Variants in TRDN observed in about 807,000 individuals in gnomAD.
TRDN encodes the protein triadin in skeletal muscle.
Under a neutral mutation model 149.7 loss-of-function variants are expected in TRDN, and 161 were observed. That is an observed-to-expected ratio of 1.08 (90% CI 0.95 to 1.23). TRDN has a LOEUF of 1.23. Ranked by LOEUF, TRDN falls within the 50% of genes most tolerant of loss-of-function variation. TRDN has a pLI of 0.00. For synonymous variants in TRDN, 294 were observed against 250.5 expected, an observed-to-expected ratio of 1.17 and a Z score of -1.64; for missense variants, 896 against 823.5, an observed-to-expected ratio of 1.09 and a Z score of -1.08.
chr6:123,495,703 G>C (rs143505776), intron 9 of TRDN, among the ~76,000 whole-genome samples: 1 of 151,916 alleles, frequency 6.6e-6, no homozygotes, highest in African/African-American at 2.4e-5. Flanking sequence ...ACTGAAACTT[G>C]TAAGTGTTGA....
intron 1 of TRDN, among the ~76,000 whole-genome samples, chr6:123,611,595 A>G (rs919568425): frequency 5.9e-5 from 9 of 152,184 alleles, no homozygotes; most frequent in Admixed American, 5.2e-4. Context: ...ACTTTCATAT[A>G]TATAGTATAT....
At chr6:123,290,510 T>C (rs1443266598) in intron 24 of TRDN, among the ~76,000 whole-genome samples, 2 of 152,192 alleles carry the variant, frequency 1.3e-5, no homozygotes, top group East Asian at 1.9e-4. Context: ...GGCTTTAAAA[T>C]GGTTAAAATG....
intron 20 of TRDN, among the ~76,000 whole-genome samples, chr6:123,361,642 C>T (rs766742550): frequency 3.9e-5 from 6 of 152,166 alleles, no homozygotes; most frequent in Non-Finnish European, 5.9e-5. Context: ...CCTCTTTCCT[C>T]ATTCAATTTG....
At chr6:123,538,399 T>A (rs1002268196) in intron 4 of TRDN, among the ~76,000 whole-genome samples, 6 of 152,158 alleles carry the variant, frequency 3.9e-5, no homozygotes, top group Non-Finnish European at 7.4e-5. Flanking sequence ...TATTAATATT[T>A]TAGATAAATA....
At chr6:123,379,161 C>T (rs1327238531) in intron 16 of TRDN, among the ~76,000 whole-genome samples, 2 of 152,044 alleles carry the variant, frequency 1.3e-5, no homozygotes, top group African/African-American at 4.8e-5. Context: ...TATGTTCATA[C>T]TGAAAGAACT....
intron 12 of TRDN, among the ~76,000 whole-genome samples, chr6:123,424,483 C>T (rs1040480596): frequency 4.0e-5 from 6 of 151,710 alleles, no homozygotes; most frequent in Non-Finnish European, 5.9e-5. Flanking sequence ...TTTCTGTCTG[C>T]GTTTTTTTTT....
At chr6:123,503,138 G>C in intron 8 of TRDN, 1 of 985,270 alleles carries the variant, frequency 1.0e-6, no homozygotes, top group Non-Finnish European at 1.2e-6. Flanking sequence ...GCTTTCTAAA[G>C]TTAGAAATTT....
At chr6:123,221,762 G>A (rs1163763491) in intron 39 of TRDN, among the ~76,000 whole-genome samples, 2 of 151,658 alleles carry the variant, frequency 1.3e-5, no homozygotes, top group Non-Finnish European at 3.0e-5. Context: ...ACAAACAATT[G>A]TTTAAATAGG....
intron 21 of TRDN, among the ~76,000 whole-genome samples, chr6:123,342,405 T>A (rs1175241010): frequency 6.6e-6 from 1 of 151,916 alleles, no homozygotes; most frequent in Non-Finnish European, 1.5e-5. Flanking sequence ...TGTAGTCCCA[T>A]CAATTTAAGA....
chr6:123,431,981 GT>G (rs957935347), intron 12 of TRDN, among the ~76,000 whole-genome samples: 5 of 152,144 alleles, frequency 3.3e-5, no homozygotes, highest in African/African-American at 1.2e-4. Context: ...AAAGGTTTTA[GT>G]TTGTGCAGAA....
intron 8 of TRDN, 23 bp downstream of exon 8, chr6:123,503,696 A>G (rs1306739204): frequency 1.2e-6 from 2 of 1,613,216 alleles, no homozygotes; most frequent in African/African-American, 1.3e-5. Flanking sequence ...AACCTCCGGC[A>G]GCCTCCTGCT....
chr6:123,375,051 A>T (rs1368695991), intron 19 of TRDN, among the ~76,000 whole-genome samples: 1 of 152,210 alleles, frequency 6.6e-6, no homozygotes, highest in Non-Finnish European at 1.5e-5. Flanking sequence ...AGAAATATCA[A>T]CAATTTCTCA....
At chr6:123,452,520 G>C (rs1404597650) in intron 10 of TRDN, among the ~76,000 whole-genome samples, 5 of 149,910 alleles carry the variant, frequency 3.3e-5, no homozygotes, top group Non-Finnish European at 7.4e-5. Context: ...AAAAACGTAA[G>C]ATAGTTAGGA....
In TRDN at chr6:123,430,141, G is replaced by A. The variant is rs915409118; in HGVS notation, c.1051+7922C>T. Among the ~76,000 whole-genome samples, 31 of 151,994 alleles carry A rather than the reference G, an allele frequency of 2.0e-4. 1 individual carries two copies. The highest frequency in any genetic ancestry group is 1.8e-3 in the Admixed American group (28 of 15,256). ...CAAAATTAGCCAGGCATGGTGGCAC[G>A]TGCCCATGGTCCCAGCTACACAGGA... On this transcript the variant is annotated intron_variant, in intron 12 of 40. Transcript: ENST00000334268.
chr6:123,496,370 T>C (rs1434165281), intron 9 of TRDN, among the ~76,000 whole-genome samples: 1 of 151,744 alleles, frequency 6.6e-6, no homozygotes, highest in African/African-American at 2.4e-5. Context: ...TAATTATATA[T>C]TTTTGAAAGG....
chr6:123,437,436 C>T, intron 12 of TRDN: 1 of 278,202 alleles, frequency 3.6e-6, no homozygotes, highest in Non-Finnish European at 6.6e-6. Flanking sequence ...CAGGGTCTTC[C>T]TCTGCTACCC....
chr6:123,396,441 A>G (rs559688182), intron 12 of TRDN, among the ~76,000 whole-genome samples: 3 of 152,348 alleles, frequency 2.0e-5, no homozygotes, highest in Admixed American at 1.3e-4. Flanking sequence ...TTGGAAATAA[A>G]GTACAATGAC....
intron 3 of TRDN, 58 bp from the exon 4 acceptor site, chr6:123,547,430 G>T: frequency 2.0e-6 from 2 of 981,386 alleles, no homozygotes; most frequent in South Asian, 2.3e-5. Flanking sequence ...AGAATAATAT[G>T]ACATCATTAT....
chr6:123,608,370 T>G (rs553874468), intron 1 of TRDN, among the ~76,000 whole-genome samples: 2 of 152,320 alleles, frequency 1.3e-5, no homozygotes, highest in East Asian at 3.9e-4. Flanking sequence ...TCAAAAGTGT[T>G]ATCTTCTTGC....
Sources: allele counts gnomAD v4.1 joint callset (sites outside exome capture counted in the v4.1 genomes callset), GRCh38; gene constraint gnomAD v4.1.1; transcripts MANE v1.5; gene names NCBI Gene and HGNC (gene_info 2026-07-23, HGNC 2026-07-21).